Variants in SIMC1 observed in about 807,000 individuals in gnomAD.
The protein encoded by SIMC1 is SUMO interacting motifs containing 1, also known as SUMO-interacting motif-containing protein 1.
A neutral mutation model predicts 82.3 loss-of-function variants in SIMC1; 55 were observed. The observed-to-expected ratio is 0.67, with a 90% CI of 0.54 to 0.84. The LOEUF is 0.84. SIMC1 is among the 40% of genes least tolerant of loss of function. The pLI, the probability that SIMC1 is intolerant of heterozygous loss-of-function variation, is 0.00. For synonymous variants in SIMC1, 353 were observed against 426.3 expected (o/e 0.83, Z 2.12); for missense variants, 915 against 1,107.2 (o/e 0.83, Z 2.46).
chr5:176,341,650 GA>G (rs1317620420), intron 9 of SIMC1, among the ~76,000 whole-genome samples: 5 of 152,182 alleles, frequency 3.3e-5, no homozygotes, highest in Non-Finnish European at 5.9e-5. Flanking sequence ...GACTGAGTCT[GA>G]AGGGTGACTC....
At chr5:176,311,190 T>C (rs1481213186) in intron 4 of SIMC1, among the ~76,000 whole-genome samples, 1 of 152,188 alleles carries the variant, frequency 6.6e-6, no homozygotes, top group Non-Finnish European at 1.5e-5. Context: ...AATCATTGAA[T>C]TGTACTTTTA....
At chr5:176,249,231 C>T (rs540405864) in intron 1 of SIMC1, among the ~76,000 whole-genome samples, 1 of 152,146 alleles carries the variant, frequency 6.6e-6, no homozygotes, top group Non-Finnish European at 1.5e-5. Flanking sequence ...CCGTCTGGTC[C>T]TGGGCTTTTT....
At chr5:176,296,582 T>C (rs1290459218) in intron 4 of SIMC1, 17 of 478,430 alleles carry the variant, frequency 3.6e-5, no homozygotes, top group Non-Finnish European at 6.1e-5. Context: ...GGCAGGAGGA[T>C]TGCTTGAGCC....
chr5:176,272,523 C>T (rs113708040), intron 1 of SIMC1, among the ~76,000 whole-genome samples: 17,817 of 152,182 alleles, frequency 0.12, 1,108 homozygotes, highest in Admixed American at 0.15. Context: ...GGGTGAGTGA[C>T]GCAGAAGACG....
At chr5:176,291,997 A>G (rs1208310852) in intron 2 of SIMC1, among the ~76,000 whole-genome samples, 1 of 152,130 alleles carries the variant, frequency 6.6e-6, no homozygotes, top group Non-Finnish European at 1.5e-5. Context: ...CGGAGGTTGC[A>G]GTGAGCTGAG....
rs537602788 is a variant in SIMC1, at chr5:176,297,841, A to C, written c.1734+1521A>C. Among the ~76,000 whole-genome samples, 18 of 152,284 alleles carry C rather than the reference A, an allele frequency of 1.2e-4. No individual in the cohort carries two copies. In the South Asian group the frequency reaches 2.9e-3, roughly 25 times the overall value. Reference sequence around the variant, plus strand: ...TATCAAAGGAATGAGGAAGTAATCAAAAAAAGGGGGGAGGCATGGGATTCA... The same window carrying C: ...TATCAAAGGAATGAGGAAGTAATCACAAAAAGGGGGGAGGCATGGGATTCA... On this transcript the variant is annotated intron_variant, in intron 4 of 9. Coordinates refer to ENST00000429602, the MANE Select transcript of SIMC1 (RefSeq NM_001308195.2).
chr5:176,286,786 G>GA (rs1415141043), intron 1 of SIMC1, among the ~76,000 whole-genome samples: 7 of 152,142 alleles, frequency 4.6e-5, no homozygotes, highest in African/African-American at 1.7e-4. Context: ...AAATTTACAA[G>GA]AAAAAATCAA....
intron 7 of SIMC1, among the ~76,000 whole-genome samples, chr5:176,332,145 C>T (rs573515206): frequency 6.6e-6 from 1 of 152,298 alleles, no homozygotes; most frequent in African/African-American, 2.4e-5. Context: ...GGTTTTATAC[C>T]TGTAATCTGA....
chr5:176,313,398 G>A (rs1764752793), intron 4 of SIMC1: 23 of 1,541,250 alleles, frequency 1.5e-5, no homozygotes, highest in Non-Finnish European at 1.9e-5. Flanking sequence ...TGCAGCTTAG[G>A]TGTTAGAAAA....
Position 176,336,864 on chromosome 5 carries a change from G to A in SIMC1, c.2316G>A (p.Leu772=), listed in dbSNP as rs1361393024. ...ACTTTCTGAATAATTCTACGTCACT[G>A]CTCAAGTGTCAGGTACATTTTTTCC... ...ALYFLNNSTS[L]LKCQSDKSQW... is the part of the protein sequence containing the mutation. Residue 772 remains leucine, a synonymous_variant, in exon 8 of 10, where the codon CTG becomes CTA. Coordinates refer to ENST00000429602, the MANE Select transcript of SIMC1 (RefSeq NM_001308195.2). 6.2e-7 allele frequency: 1 copy of A among 1,613,948 alleles called. No individual in the cohort carries two copies. The highest frequency in any genetic ancestry group is 8.5e-7 in the Non-Finnish European group (1 of 1,179,888).
intron 1 of SIMC1, among the ~76,000 whole-genome samples, chr5:176,265,463 G>T (rs1286122299): frequency 1.3e-5 from 2 of 152,206 alleles, no homozygotes; most frequent in Non-Finnish European, 2.9e-5. Flanking sequence ...CAGTTTGCTG[G>T]TATAGGTGAA....
Position 176,345,308 on chromosome 5 carries a change from C to T in SIMC1, c.2539C>T (p.Arg847Cys), listed in dbSNP as rs772142867. The T allele has an allele frequency of 1.4e-5, 23 of 1,613,864 alleles. No individual in the cohort carries two copies. Among genetic ancestry groups the T allele is most frequent in the South Asian group, 3.3e-5 (3 of 91,094 alleles). Residue 847 changes from arginine (R) to cysteine (C), a missense_variant, in exon 10 of 10, where the codon CGC (arginine) becomes TGC (cysteine). By Grantham distance (180) the Arg-to-Cys change is radical (BLOSUM62 -3). This residue lies in a region of SIMC1 where 902 missense variants were observed against 1,040.3 expected (regional missense o/e 0.87). Coordinates refer to ENST00000429602, the MANE Select transcript of SIMC1 (RefSeq NM_001308195.2). Reference protein sequence around the residue: ...VEKQIEAFRSRLIQMLGEPLV... With the variant: ...VEKQIEAFRSCLIQMLGEPLV... ...GAAGCAGATTGAGGCCTTCCGCAGC[C>T]GCCTGATCCAGATGCTGGGGGAGCC...
intron 1 of SIMC1, among the ~76,000 whole-genome samples, chr5:176,287,643 G>T (rs1763351599): frequency 2.2e-5 from 2 of 90,588 alleles, no homozygotes; most frequent in Admixed American, 1.0e-4. Context: ...TTTTTAAAAA[G>T]TTAAAAATAA....
intron 1 of SIMC1, among the ~76,000 whole-genome samples, chr5:176,244,523 C>T (rs1171673868): frequency 6.6e-6 from 1 of 151,468 alleles, no homozygotes; most frequent in Non-Finnish European, 1.5e-5. Context: ...GAACCTAGCC[C>T]AAGGGAACAC....
intron 4 of SIMC1, among the ~76,000 whole-genome samples, chr5:176,304,826 C>T (rs1279480133): frequency 1.1e-4 from 16 of 150,950 alleles, no homozygotes; most frequent in Non-Finnish European, 2.2e-4. Flanking sequence ...TGGGGAGCGC[C>T]TCTGCCCCGC....
At chr5:176,305,534 G>A (rs1581282082) in intron 4 of SIMC1, among the ~76,000 whole-genome samples, 3 of 143,548 alleles carry the variant, frequency 2.1e-5, no homozygotes, top group Non-Finnish European at 4.6e-5. Flanking sequence ...GGGAGGTGGG[G>A]GGGTCAGCCC....
At chr5:176,320,063 G>C (rs1417418297) in intron 5 of SIMC1, among the ~76,000 whole-genome samples, 1 of 152,204 alleles carries the variant, frequency 6.6e-6, no homozygotes, top group Non-Finnish European at 1.5e-5. Context: ...GTTTTACAGA[G>C]AGGACATCCA....
chr5:176,339,314 A>T (rs1429170764), intron 9 of SIMC1, among the ~76,000 whole-genome samples: 4 of 152,180 alleles, frequency 2.6e-5, no homozygotes, highest in Non-Finnish European at 5.9e-5. Context: ...CAGTGAGCCA[A>T]GATCGTACCA....
At chr5:176,293,377 G>A (rs1383313114) in intron 2 of SIMC1, among the ~76,000 whole-genome samples, 1 of 151,792 alleles carries the variant, frequency 6.6e-6, no homozygotes, top group East Asian at 1.9e-4. Flanking sequence ...GGAACTTGCA[G>A]TGTGCCAGGA....
Sources: gnomAD v4.1 joint callset for allele counts (sites outside exome capture counted in the v4.1 genomes callset) on GRCh38, gnomAD v4.1.1 for gene constraint, gnomAD v4.1.1 regional missense constraint, MANE v1.5 for transcripts, NCBI Gene and HGNC (gene_info 2026-07-23, HGNC 2026-07-21) for gene names.